The following DOCK8 variants were observed in gnomAD, a reference collection of about 807,000 sequenced individuals.
DOCK8 encodes dedicator of cytokinesis protein 8.
DOCK8 carries 141 observed loss-of-function variants against 245.6 expected under a neutral mutation model. The observed-to-expected ratio is 0.57, with a 90% confidence interval of 0.50 to 0.66. DOCK8 has a LOEUF of 0.66. Ranked by LOEUF, DOCK8 falls within the 30% of genes least tolerant of loss-of-function variation. The pLI is 0.00. For missense variants in DOCK8, 2,965 were observed against 2,603.4 expected (o/e 1.14, Z -3.02); for synonymous variants, 1,168 against 970.2 (o/e 1.20, Z -3.79).
chr9:219,674 A>G (rs1171245536), intron 1 of DOCK8, among the ~76,000 whole-genome samples: 1 of 152,058 alleles, frequency 6.6e-6, no homozygotes, highest in Non-Finnish European at 1.5e-5. Context: ...AAGCTGGTAG[A>G]TGGCTCGAGC....
At chr9:439,830 C>G (rs1193114943) in intron 40 of DOCK8, among the ~76,000 whole-genome samples, 1 of 152,098 alleles carries the variant, frequency 6.6e-6, no homozygotes, top group Non-Finnish European at 1.5e-5. Flanking sequence ...TGTCTTCCCT[C>G]CTAGCCACTG....
chr9:448,045 T>C (rs1441779798), intron 44 of DOCK8, among the ~76,000 whole-genome samples: 1 of 152,216 alleles, frequency 6.6e-6, no homozygotes, highest in Non-Finnish European at 1.5e-5. Flanking sequence ...CTTCCTTTCC[T>C]TTCCTTCCTT....
chr9:310,357 A>G (rs1342316944), intron 5 of DOCK8, among the ~76,000 whole-genome samples: 1 of 152,202 alleles, frequency 6.6e-6, no homozygotes, highest in Non-Finnish European at 1.5e-5. Context: ...GAACTGGCCT[A>G]ACTTTAAAAA....
At chr9:447,503 G>T (rs2057301627) in intron 44 of DOCK8, among the ~76,000 whole-genome samples, 1 of 152,150 alleles carries the variant, frequency 6.6e-6, no homozygotes, top group South Asian at 2.1e-4. Flanking sequence ...GGATGTTTAT[G>T]ATGTTTTTCT....
intron 1 of DOCK8, among the ~76,000 whole-genome samples, chr9:239,021 G>A (rs375825291): frequency 1.3e-5 from 2 of 152,242 alleles, no homozygotes; most frequent in East Asian, 1.9e-4. Context: ...CAAGGAAACC[G>A]GAGTACCCTG....
At chr9:451,987 T>A (rs562910347) in intron 45 of DOCK8, 24 bp from the exon 46 acceptor site, 264 of 177,680 alleles carry the variant, frequency 1.5e-3, no homozygotes, top group East Asian at 0.012. Flanking sequence ...ATTTTTTTTT[T>A]TTTTTTTTTT....
intron 33 of DOCK8, among the ~76,000 whole-genome samples, chr9:426,388 A>T (rs2056501866): frequency 6.6e-6 from 1 of 151,600 alleles, no homozygotes; most frequent in Admixed American, 6.6e-5. Context: ...TAAGAGGCTG[A>T]CTCTCCCCTG....
At chr9:283,818 A>G (rs926154552) in intron 2 of DOCK8, among the ~76,000 whole-genome samples, 1 of 152,240 alleles carries the variant, frequency 6.6e-6, no homozygotes, top group Non-Finnish European at 1.5e-5. Flanking sequence ...TAAGGTGTAT[A>G]TGAAACATAA....
intron 11 of DOCK8, among the ~76,000 whole-genome samples, chr9:335,674 T>C (rs1370409019): frequency 1.3e-5 from 2 of 152,036 alleles, no homozygotes; most frequent in Non-Finnish European, 2.9e-5. Flanking sequence ...GCTAGGTAAT[T>C]CAGGATAGGG....
intron 20 of DOCK8, among the ~76,000 whole-genome samples, chr9:377,448 T>C (rs558791344): frequency 1.3e-5 from 2 of 152,202 alleles, no homozygotes; most frequent in African/African-American, 4.8e-5. Flanking sequence ...TAAACTTTAT[T>C]AAATGATTAT....
intron 24 of DOCK8, 98 bp from the exon 25 acceptor site, chr9:396,687 T>G: frequency 6.5e-7 from 1 of 1,527,092 alleles, no homozygotes; most frequent in Non-Finnish European, 9.1e-7. Flanking sequence ...AGAAAATCCA[T>G]TGTTAGAGAG....
chr9:326,326 A>C (rs891695189), intron 8 of DOCK8, among the ~76,000 whole-genome samples: 1 of 152,216 alleles, frequency 6.6e-6, no homozygotes, highest in African/African-American at 2.4e-5. Flanking sequence ...TAAGGAAACA[A>C]GCATCTCCTG....
At chr9:298,629 GT>G (rs2049377070) in intron 4 of DOCK8, among the ~76,000 whole-genome samples, 1 of 148,036 alleles carries the variant, frequency 6.8e-6, no homozygotes, top group East Asian at 1.9e-4. Context: ...GTGTGTGTGT[GT>G]GTGTGTGTGT....
chr9:283,760 A>G (rs2048696090), intron 2 of DOCK8, among the ~76,000 whole-genome samples: 1 of 152,258 alleles, frequency 6.6e-6, no homozygotes, highest in South Asian at 2.1e-4. Flanking sequence ...TTATTCAGGC[A>G]CAAAATTATT....
intron 43 of DOCK8, 69 bp from the exon 44 acceptor site, chr9:446,301 C>T: frequency 3.8e-6 from 5 of 1,314,478 alleles, no homozygotes; most frequent in Admixed American, 3.4e-5. Flanking sequence ...CTGCATGCCC[C>T]TCCATTGCGT....
intron 15 of DOCK8, chr9:369,670 G>A (rs765322044): frequency 6.2e-6 from 1 of 162,254 alleles, no homozygotes; most frequent in Non-Finnish European, 1.4e-5. Flanking sequence ...GTGAGGCAGA[G>A]TGGAGAGAGT....
intron 39 of DOCK8, 27 bp downstream of exon 39, chr9:435,002 G>C (rs1181511301): frequency 1.9e-6 from 3 of 1,610,086 alleles, no homozygotes; most frequent in Non-Finnish European, 1.7e-6. Context: ...TTTTCCCTTA[G>C]AGCAGTGGTT....
At chr9:400,921 CATCACCACAACA>C (rs2055003218) in intron 26 of DOCK8, among the ~76,000 whole-genome samples, 1 of 130,780 alleles carries the variant, frequency 7.6e-6, no homozygotes, top group Non-Finnish European at 1.6e-5. Context: ...GCTCCTTCAC[CATCACCACAACA>C]TCCACCACCA....
At chr9:384,401 T>TTA (rs1487054859) in intron 22 of DOCK8, among the ~76,000 whole-genome samples, 4 of 152,182 alleles carry the variant, frequency 2.6e-5, no homozygotes, top group Non-Finnish European at 5.9e-5. Context: ...ATCTCTAGGT[T>TTA]TAGACACAGA....
Sources: allele counts gnomAD v4.1 joint callset (sites outside exome capture counted in the v4.1 genomes callset), GRCh38; gene constraint gnomAD v4.1.1; transcripts MANE v1.5; gene names NCBI Gene and HGNC (gene_info 2026-07-23, HGNC 2026-07-21).